Variants in FREM1 observed in about 807,000 individuals in gnomAD.
FREM1 encodes FRAS1-related extracellular matrix protein 1.
A neutral mutation model predicts 210.1 loss-of-function variants in FREM1; 220 were observed. The ratio of observed to expected loss-of-function variants is 1.05; its 90% confidence interval spans 0.94 to 1.17. The LOEUF is 1.17. FREM1 is among the 50% of genes most tolerant of loss of function. FREM1 has a pLI of 0.00. For synonymous variants in FREM1, 1,189 were observed against 980.2 expected, an observed-to-expected ratio of 1.21 and a Z score of -3.98; for missense variants, 3,454 against 2,675.5, an observed-to-expected ratio of 1.29 and a Z score of -6.42.
At chr9:14,796,624 G>A (rs1852446375) in intron 21 of FREM1, among the ~76,000 whole-genome samples, 1 of 152,142 alleles carries the variant, frequency 6.6e-6, no homozygotes, top group African/African-American at 2.4e-5. Flanking sequence ...TAATTGAATC[G>A]TGGGGCAGTT....
At position 14,817,992 on chromosome 9, in the gene FREM1, G is replaced by C. The variant is rs1820606450; in HGVS notation, c.2547-1121C>G. On this transcript the variant is annotated intron_variant, in intron 14 of 36. Coordinates refer to ENST00000380880, the MANE Select transcript of FREM1 (RefSeq NM_001379081.2). ...AGTACACATCCAAAGGATGACTGGAGTCAAACAGATATTCTTTCAAAATCT... is the reference window on the plus strand; with the variant it reads ...AGTACACATCCAAAGGATGACTGGACTCAAACAGATATTCTTTCAAAATCT... 2.0e-5 allele frequency among the ~76,000 whole-genome samples: 3 copies of C among 152,308 alleles called. No individual in the cohort carries two copies. The East Asian group carries it at 5.8e-4, about 29-fold the overall frequency.
intron 27 of FREM1, 90 bp from the exon 28 acceptor site, chr9:14,759,991 T>C: frequency 3.0e-6 from 3 of 996,422 alleles, no homozygotes; most frequent in Non-Finnish European, 1.4e-6. Context: ...AAAAACGTGG[T>C]TGATCAACCT....
chr9:14,794,716 T>G (rs1400539320), intron 21 of FREM1, among the ~76,000 whole-genome samples: 2 of 152,104 alleles, frequency 1.3e-5, no homozygotes, highest in African/African-American at 4.8e-5. Flanking sequence ...AAGTGGAGAT[T>G]GGGCCGGGCG....
At chr9:14,750,600 A>G (rs1822781146) in intron 29 of FREM1, among the ~76,000 whole-genome samples, 1 of 152,246 alleles carries the variant, frequency 6.6e-6, no homozygotes, top group African/African-American at 2.4e-5. Flanking sequence ...TCTTCTGAAG[A>G]GTAAACAAGT....
At chr9:14,825,566 T>C (rs1399215948) in intron 10 of FREM1, among the ~76,000 whole-genome samples, 1 of 142,596 alleles carries the variant, frequency 7.0e-6, no homozygotes, top group East Asian at 2.0e-4. Context: ...TATATATATA[T>C]ATATACCACA....
At chr9:14,834,332 A>G (rs951572585) in intron 10 of FREM1, among the ~76,000 whole-genome samples, 7 of 152,188 alleles carry the variant, frequency 4.6e-5, no homozygotes, top group African/African-American at 1.7e-4. Context: ...TGGTATCTAT[A>G]TGGTCTTTTC....
At chr9:14,885,990 A>T (rs1835738549) in intron 1 of FREM1, among the ~76,000 whole-genome samples, 1 of 152,108 alleles carries the variant, frequency 6.6e-6, no homozygotes, top group Admixed American at 6.5e-5. Flanking sequence ...GCACCTCCCC[A>T]GTCCTCCCTC....
At chr9:14,754,988 C>T (rs543310643) in intron 29 of FREM1, among the ~76,000 whole-genome samples, 5 of 152,214 alleles carry the variant, frequency 3.3e-5, no homozygotes, top group South Asian at 2.1e-4. Context: ...ACAAGGAGAA[C>T]GCTACGTGAA....
intron 28 of FREM1, 54 bp downstream of exon 28, chr9:14,759,718 C>T (rs2132255382): frequency 7.0e-7 from 1 of 1,426,352 alleles, no homozygotes; most frequent in Non-Finnish European, 9.4e-7. Flanking sequence ...TAATGAAAGA[C>T]ACCAAAGAAC....
rs1341777040 is a variant in FREM1, at chr9:14,910,406, T to G, written c.-760A>C. The G allele has an allele frequency of 6.6e-6, 1 of 152,356 alleles. No individual in the cohort carries two copies. Among genetic ancestry groups the G allele is most frequent in the Admixed American group, 6.5e-5 (1 of 15,278 alleles). The allele number at this position is 152,356 out of a possible 1,614,324, so 9.4% of individuals were successfully genotyped here. On this transcript the variant is annotated 5_prime_UTR_variant, in exon 1 of 37. Transcript: ENST00000380880. Reference sequence around the variant, plus strand: ...TCTTCCCAGTCTCTTCCCAGCTTCCTTTCTCACTACTAGTTTTGTACTAAC... The same window carrying G: ...TCTTCCCAGTCTCTTCCCAGCTTCCGTTCTCACTACTAGTTTTGTACTAAC...
chr9:14,869,356 A>T (rs1832141566), intron 1 of FREM1, 112 bp from the exon 2 acceptor site: 1 of 180,088 alleles, frequency 5.6e-6, no homozygotes, highest in Non-Finnish European at 1.2e-5. Context: ...CTATGAGTTC[A>T]GCTAAATTAA....
intron 30 of FREM1, among the ~76,000 whole-genome samples, chr9:14,749,229 T>C (rs1842944607): frequency 1.3e-5 from 2 of 152,170 alleles, no homozygotes; most frequent in Non-Finnish European, 1.5e-5. Flanking sequence ...ATTTCACATA[T>C]AAGGTGTGTA....
At position 14,739,463 on chromosome 9, in the gene FREM1, T is replaced by TATATATATATAATTC. The variant is rs1554633082; in HGVS notation, c.6340+685_6340+686insGAATTATATATATAT. Among the ~76,000 whole-genome samples the TATATATATATAATTC allele has an allele frequency of 6.9e-3, 947 of 138,238 alleles. 13 individuals are homozygous for TATATATATATAATTC. The highest frequency in any genetic ancestry group is 0.024 in the African/African-American group (883 of 37,526). 90.7% of individuals were successfully genotyped at this position (138,238 alleles called of 152,430 possible). On this transcript the variant is annotated intron_variant, in intron 36 of 36. Transcript: ENST00000380880. Reference sequence around the variant, plus strand: ...TAATTATTTGGAATATATATATATATATATATATATATAATTCATATATAT... The same window carrying TATATATATATAATTC: ...TAATTATTTGGAATATATATATATATATATATATATAATTCATATATATATATAATTCATATATAT...
chr9:14,902,980 T>C (rs1295186941), intron 1 of FREM1, among the ~76,000 whole-genome samples: 9 of 152,204 alleles, frequency 5.9e-5, no homozygotes, highest in Admixed American at 5.2e-4. Context: ...GTTAAACTCT[T>C]TGGGTACTAT....
At chr9:14,865,785 C>T (rs1284370895) in intron 2 of FREM1, among the ~76,000 whole-genome samples, 1 of 151,450 alleles carries the variant, frequency 6.6e-6, no homozygotes, top group Non-Finnish European at 1.5e-5. Flanking sequence ...CGTTAAAAAC[C>T]AAGCACAAAT....
At position 14,900,619 on chromosome 9, in the gene FREM1, T is replaced by C. The variant is rs904486659; in HGVS notation, c.-268+9295A>G. 2.6e-5 allele frequency among the ~76,000 whole-genome samples: 4 copies of C among 152,066 alleles called. No homozygotes were observed. In the South Asian group the frequency reaches 8.3e-4, roughly 32 times the overall value. ...AGAGGAGAGGAAGATAGGATGGTCCTAGATAGACAGAGTCTGACACAAGGT... is the reference window on the plus strand; with the variant it reads ...AGAGGAGAGGAAGATAGGATGGTCCCAGATAGACAGAGTCTGACACAAGGT... On this transcript the variant is annotated intron_variant, in intron 1 of 36. Coordinates refer to ENST00000380880, the MANE Select transcript of FREM1 (RefSeq NM_001379081.2).
intron 1 of FREM1, among the ~76,000 whole-genome samples, chr9:14,884,083 G>A (rs1335866261): frequency 6.6e-6 from 1 of 152,130 alleles, no homozygotes; most frequent in Non-Finnish European, 1.5e-5. Flanking sequence ...ACAAAAATCA[G>A]CCGGGCGTGG....
At chr9:14,847,683 A>T (rs948473834) in intron 7 of FREM1, among the ~76,000 whole-genome samples, 2 of 152,200 alleles carry the variant, frequency 1.3e-5, no homozygotes, top group African/African-American at 4.8e-5. Context: ...GCACAGATCA[A>T]GTTCATAATA....
intron 27 of FREM1, among the ~76,000 whole-genome samples, chr9:14,760,626 C>G (rs1845318798): frequency 1.3e-5 from 2 of 150,120 alleles, no homozygotes; most frequent in African/African-American, 4.9e-5. Flanking sequence ...TTTTCAAAAA[C>G]AAACAGACAA....
Sources: gnomAD v4.1 joint callset for allele counts (sites outside exome capture counted in the v4.1 genomes callset) on GRCh38, gnomAD v4.1.1 for gene constraint, MANE v1.5 for transcripts, NCBI Gene and HGNC (gene_info 2026-07-23, HGNC 2026-07-21) for gene names.